CWC25: variants seen among roughly 807,000 people sequenced by gnomAD.
CWC25 encodes pre-mRNA-splicing factor CWC25 homolog.
Under a neutral mutation model 54.6 loss-of-function variants are expected in CWC25, and 31 were observed. The observed-to-expected ratio is 0.57, with a 90% confidence interval of 0.43 to 0.77. The LOEUF (loss-of-function observed/expected upper bound fraction) is 0.77, where lower values mean the gene tolerates loss of function less well. CWC25 is among the 30% of genes least tolerant of loss of function. The pLI is 0.00. For synonymous variants in CWC25, 151 were observed against 187.0 expected, an observed-to-expected ratio of 0.81 and a Z score of 1.57; for missense variants, 453 against 529.3, an observed-to-expected ratio of 0.86 and a Z score of 1.41.
chr17:38,820,164 G>A (rs993556992), intron 2 of CWC25, among the ~76,000 whole-genome samples: 19 of 152,092 alleles, frequency 1.2e-4, no homozygotes, highest in African/African-American at 4.1e-4. Context: ...CAAACTCCTG[G>A]GCTCAAGTGA....
At chr17:38,812,943 A>G (rs1911550233) in intron 3 of CWC25, 79 bp from the exon 4 acceptor site, 4 of 791,972 alleles carry the variant, frequency 5.1e-6, no homozygotes, top group South Asian at 1.5e-5. Context: ...CCAAACATAT[A>G]CAGACAAACT....
intron 2 of CWC25, among the ~76,000 whole-genome samples, chr17:38,817,925 C>G (rs552036583): frequency 1.1e-4 from 16 of 151,546 alleles, no homozygotes; most frequent in African/African-American, 3.9e-4. Flanking sequence ...GAGATTGTGC[C>G]ACTGCACTCC....
intron 2 of CWC25, among the ~76,000 whole-genome samples, chr17:38,817,373 G>A (rs1006950009): frequency 8.6e-5 from 13 of 151,338 alleles, no homozygotes; most frequent in South Asian, 8.3e-4. Context: ...TCATGGGGCC[G>A]GGCGCTGTGG....
intron 6 of CWC25, 56 bp from the exon 7 acceptor site, chr17:38,807,032 G>A: frequency 6.8e-7 from 1 of 1,466,168 alleles, no homozygotes; most frequent in Non-Finnish European, 9.4e-7. Context: ...CTATTCAGGA[G>A]AAAACGCGGC....
At chr17:38,820,719 G>C (rs1282744165) in intron 2 of CWC25, among the ~76,000 whole-genome samples, 182 bp downstream of exon 2, 1 of 152,150 alleles carries the variant, frequency 6.6e-6, no homozygotes, top group Admixed American at 6.6e-5. Context: ...AAGTAACCAA[G>C]TCTCTCAAAT....
chr17:38,823,534 C>G (rs954635432), intron 1 of CWC25, among the ~76,000 whole-genome samples: 1 of 151,902 alleles, frequency 6.6e-6, no homozygotes, highest in African/African-American at 2.4e-5. Flanking sequence ...AAAATAAGAT[C>G]ATGTCCACAA....
rs1911405920 is a variant in CWC25, at chr17:38,809,682, CAAG to C, written c.690+17_690+19del. Reference sequence around the variant, plus strand: ...CCCACAGTCCCACAGTCACTCCTTTCAAGAAGCCCACATCCCTACCTGTAAGCC... The same window carrying C: ...CCCACAGTCCCACAGTCACTCCTTTCAAGCCCACATCCCTACCTGTAAGCC... On this transcript the variant is annotated intron_variant, in intron 6 of 9. Transcript: ENST00000614790. 1.2e-6 allele frequency: 2 copies of C among 1,612,404 alleles called. No individual in the cohort carries two copies. Among genetic ancestry groups the C allele is most frequent in the East Asian group, 4.5e-5 (2 of 44,864 alleles).
intron 2 of CWC25, among the ~76,000 whole-genome samples, chr17:38,817,235 G>A (rs1380998980): frequency 6.6e-6 from 1 of 151,168 alleles, no homozygotes; most frequent in Non-Finnish European, 1.5e-5. Flanking sequence ...AGCTACTCGG[G>A]AGGCTGAGGG....
intron 8 of CWC25, among the ~76,000 whole-genome samples, chr17:38,803,846 T>C (rs1269126506): frequency 1.3e-5 from 2 of 151,916 alleles, no homozygotes; most frequent in Non-Finnish European, 2.9e-5. Context: ...AAGACCAGCC[T>C]AGGCAACAAA....
rs1255450129 is a variant in CWC25, at chr17:38,814,865, T to C, written c.424A>G (p.Ile142Val). 6.2e-7 allele frequency: 1 copy of C among 1,611,194 alleles called. No homozygotes were observed. The highest frequency in any genetic ancestry group is 8.5e-7 in the Non-Finnish European group (1 of 1,178,768). Residue 142 changes from isoleucine (I) to valine (V), a missense_variant, in exon 3 of 10, where the codon ATC (isoleucine) becomes GTC (valine). This residue lies in a region of CWC25 where 444 missense variants were observed against 499.2 expected (regional missense o/e 0.89). Transcript: ENST00000614790. ...TTCCTAGCCCCCCATTAGTACCTGA[T>C]GATGAAGAGTGGGTCCTCCCGGATC... The part of the protein sequence containing the change: ...SKIREDPLFI[I>V]RKKEEEKKRE...
At chr17:38,806,620 G>A in intron 7 of CWC25, 145 bp downstream of exon 7, 7 of 767,182 alleles carry the variant, frequency 9.1e-6, no homozygotes, top group South Asian at 2.2e-5. Flanking sequence ...CATTGAGGTG[G>A]AAAAAAAAAA....
intron 1 of CWC25, among the ~76,000 whole-genome samples, chr17:38,822,532 C>T (rs1026957468): frequency 1.3e-5 from 2 of 152,154 alleles, no homozygotes; most frequent in African/African-American, 4.8e-5. Flanking sequence ...TCTCTCTCCT[C>T]CCCATCAGAT....
At chr17:38,818,657 T>C (rs1355590027) in intron 2 of CWC25, among the ~76,000 whole-genome samples, 1 of 130,042 alleles carries the variant, frequency 7.7e-6, no homozygotes, top group Admixed American at 7.7e-5. Flanking sequence ...GTCATCTAAA[T>C]ACATTAGCAG....
chr17:38,821,077 TG>T lies in CWC25; in HGVS notation c.19-5del. 6.2e-7 allele frequency: 1 copy of T among 1,608,792 alleles called. No homozygotes were observed. Among genetic ancestry groups the T allele is most frequent in the Non-Finnish European group, 8.5e-7 (1 of 1,178,456 alleles). ...GGTGCCAGCTCTTCTTCAGATTCTG[TG>T]GTAAATAAAAAGAAGGTGATGATAA... On this transcript the variant is annotated splice_polypyrimidine_tract_variant and splice_region_variant and intron_variant, in intron 1 of 9. Transcript: ENST00000614790.
rs550366943 is a variant in CWC25 at position 38,807,186 on chromosome 17, G to A, written c.691-210C>T. ...GAAAATTAAAAAATTAGCTGGGCGTGGTGGTGGGCACCTGTAATCCCAGCT... is the reference window on the plus strand; with the variant it reads ...GAAAATTAAAAAATTAGCTGGGCGTAGTGGTGGGCACCTGTAATCCCAGCT... On this transcript the variant is annotated intron_variant, in intron 6 of 9. Coordinates refer to ENST00000614790, the MANE Select transcript of CWC25 (RefSeq NM_017748.5). Among the ~76,000 whole-genome samples, 4 of 151,532 alleles carry A rather than the reference G, an allele frequency of 2.6e-5. No homozygotes were observed. In the South Asian group the frequency reaches 8.4e-4, roughly 32 times the overall value.
intron 4 of CWC25, among the ~76,000 whole-genome samples, chr17:38,811,407 C>A (rs1911481849): frequency 6.6e-6 from 1 of 151,896 alleles, no homozygotes; most frequent in Non-Finnish European, 1.5e-5. Context: ...GTAGCAGGCG[C>A]CTGTAGTCCC....
chr17:38,822,620 G>A (rs1160097087), intron 1 of CWC25, among the ~76,000 whole-genome samples: 1 of 152,094 alleles, frequency 6.6e-6, no homozygotes, highest in Non-Finnish European at 1.5e-5. Context: ...AAACTAGCCT[G>A]GTGATGTGTG....
chr17:38,814,764 A>T, intron 3 of CWC25, 97 bp downstream of exon 3: 1 of 930,630 alleles, frequency 1.1e-6, no homozygotes, highest in Non-Finnish European at 1.6e-6. Context: ...AAAAAAAAAA[A>T]AAAGCGAAGA....
chr17:38,817,852 G>A (rs1911764650), intron 2 of CWC25, among the ~76,000 whole-genome samples: 1 of 151,966 alleles, frequency 6.6e-6, no homozygotes, highest in South Asian at 2.1e-4. Flanking sequence ...TGTAATCCCA[G>A]CTACTCAGCA....
Sources: allele counts gnomAD v4.1 joint callset (sites outside exome capture counted in the v4.1 genomes callset), GRCh38; gene constraint gnomAD v4.1.1; regional missense constraint gnomAD v4.1.1; transcripts MANE v1.5; gene names NCBI Gene and HGNC (gene_info 2026-07-23, HGNC 2026-07-21).